Variants in COL25A1 observed in about 807,000 individuals in gnomAD.
COL25A1 encodes the protein collagen type XXV alpha 1 chain, also known as collagen alpha-1(XXV) chain.
Under a neutral mutation model 128.4 loss-of-function variants are expected in COL25A1, and 103 were observed. The ratio of observed to expected loss-of-function variants is 0.80; its 90% CI spans 0.68 to 0.94. COL25A1 has a LOEUF of 0.94. COL25A1 is among the 40% of genes least tolerant of loss of function. The pLI is 0.00. For synonymous variants in COL25A1, 279 were observed against 277.2 expected (o/e 1.01, Z -0.06); for missense variants, 745 against 840.0 (o/e 0.89, Z 1.40).
chr4:109,125,188 G>A (rs1768473959), intron 3 of COL25A1, among the ~76,000 whole-genome samples: 1 of 152,112 alleles, frequency 6.6e-6, no homozygotes, highest in Admixed American at 6.6e-5. Context: ...ACTACAATGT[G>A]TATGTGGAGA....
chr4:109,041,289 T>C (rs1418483384), intron 5 of COL25A1, among the ~76,000 whole-genome samples: 1 of 152,130 alleles, frequency 6.6e-6, no homozygotes, highest in Non-Finnish European at 1.5e-5. Flanking sequence ...TGAAGTAATC[T>C]GGAAGGCCTG....
rs79033193 is a variant in COL25A1, at chr4:109,099,277, G to T, written c.368-49098C>A. Among the ~76,000 whole-genome samples, 168 of 152,024 alleles carry T rather than the reference G, an allele frequency of 1.1e-3. 2 individuals carry two copies. The East Asian group carries it at 0.032, about 29-fold the overall frequency. On this transcript the variant is annotated intron_variant, in intron 3 of 37. Coordinates refer to ENST00000399132, the MANE Select transcript of COL25A1 (RefSeq NM_198721.4). ...AGATGTAACAACAAATAAGAAATGA[G>T]AAATCTACACCAACATAAAAGTTTT...
intron 8 of COL25A1, among the ~76,000 whole-genome samples, chr4:108,959,589 G>C (rs1750443413): frequency 6.6e-6 from 1 of 152,172 alleles, no homozygotes; most frequent in Non-Finnish European, 1.5e-5. Flanking sequence ...GTTGGCACAT[G>C]CCATTACATT....
At chr4:109,215,085 G>A (rs1430475357) in intron 3 of COL25A1, among the ~76,000 whole-genome samples, 1 of 152,076 alleles carries the variant, frequency 6.6e-6, no homozygotes, top group Non-Finnish European at 1.5e-5. Flanking sequence ...TCTAGTTCTA[G>A]AAGAGCTTTT....
chr4:109,037,792 C>T (rs948345514), intron 5 of COL25A1, among the ~76,000 whole-genome samples: 1 of 152,132 alleles, frequency 6.6e-6, no homozygotes, highest in Non-Finnish European at 1.5e-5. Flanking sequence ...TTTATCAGTC[C>T]TGCCTTCTTC....
At position 108,863,252 on chromosome 4, in the gene COL25A1, T is replaced by C. The variant is rs1232259909; in HGVS notation, c.1152+67A>G. 6.1e-6 allele frequency: 9 copies of C among 1,468,760 alleles called. No homozygotes were observed. In the East Asian group the frequency reaches 1.4e-4, roughly 22 times the overall value. 91.0% of individuals were successfully genotyped at this position (1,468,760 alleles called of 1,614,324 possible). On this transcript the variant is annotated intron_variant, in intron 21 of 37. Coordinates refer to ENST00000399132, the MANE Select transcript of COL25A1 (RefSeq NM_198721.4). The stretch of plus-strand genomic sequence containing the variant: ...TTAATACCTGTTAAGAATGTTGTTT[T>C]AGTTTTTTGTGTTCTAAATCAAATC...
At chr4:109,286,576 G>C (rs1723913325) in intron 3 of COL25A1, among the ~76,000 whole-genome samples, 1 of 151,982 alleles carries the variant, frequency 6.6e-6, no homozygotes, top group Non-Finnish European at 1.5e-5. Flanking sequence ...TTCTCAACTG[G>C]GAATGATTTT....
At chr4:108,889,760 C>T in intron 16 of COL25A1, 27 bp from the exon 17 acceptor site, 2 of 1,608,320 alleles carry the variant, frequency 1.2e-6, no homozygotes, top group Non-Finnish European at 1.7e-6. Flanking sequence ...GAGAGATTAT[C>T]TCACAAGTTA....
At chr4:108,945,907 C>T (rs142018362) in intron 8 of COL25A1, among the ~76,000 whole-genome samples, 6 of 152,182 alleles carry the variant, frequency 3.9e-5, no homozygotes, top group African/African-American at 1.2e-4. Context: ...TCAAGTGATC[C>T]GCCCACCTCA....
chr4:109,051,348 C>T (rs1760964036), intron 3 of COL25A1, among the ~76,000 whole-genome samples: 1 of 151,992 alleles, frequency 6.6e-6, no homozygotes, highest in Non-Finnish European at 1.5e-5. Flanking sequence ...TAAGTCTGAC[C>T]GTCTGTATTT....
At position 109,208,759 on chromosome 4, in the gene COL25A1, A is replaced by T. The variant is rs182024213; in HGVS notation, c.367+91824T>A. Among the ~76,000 whole-genome samples the T allele has an allele frequency of 3.0e-3, 462 of 152,208 alleles. 1 individual carries two copies. The highest frequency in any genetic ancestry group is 0.01 in the African/African-American group (429 of 41,538). ...ACTTTCCTATATCTTACCAAGTTGA[A>T]TTTTTTTAATACTAAGCTACAGAGA... On this transcript the variant is annotated intron_variant, in intron 3 of 37. Transcript: ENST00000399132.
intron 5 of COL25A1, among the ~76,000 whole-genome samples, 164 bp downstream of exon 5, chr4:109,048,004 T>C (rs368762432): frequency 6.6e-6 from 1 of 152,244 alleles, no homozygotes; most frequent in African/African-American, 2.4e-5. Context: ...AGTGCTGGGA[T>C]TACAGGCGTG....
chr4:108,996,200 C>T (rs941183030), intron 6 of COL25A1, among the ~76,000 whole-genome samples: 6 of 149,638 alleles, frequency 4.0e-5, no homozygotes, highest in African/African-American at 7.4e-5. Flanking sequence ...CAGGACCCAT[C>T]GGTGTGCTGT....
intron 19 of COL25A1, among the ~76,000 whole-genome samples, chr4:108,882,324 A>T (rs986587992): frequency 6.7e-6 from 1 of 149,446 alleles, no homozygotes; most frequent in Non-Finnish European, 1.5e-5. Flanking sequence ...CTCTCTCTCC[A>T]AGAAAGTGCT....
chr4:109,051,755 T>A (rs1761022085), intron 3 of COL25A1, among the ~76,000 whole-genome samples: 1 of 152,014 alleles, frequency 6.6e-6, no homozygotes, highest in Admixed American at 6.5e-5. Context: ...ATACTTATAA[T>A]GTCTGTGGTT....
At chr4:109,097,125 GA>G (rs1765466444) in intron 3 of COL25A1, among the ~76,000 whole-genome samples, 1 of 152,112 alleles carries the variant, frequency 6.6e-6, no homozygotes, top group African/African-American at 2.4e-5. Flanking sequence ...CTGTTTGCAG[GA>G]AAAACTGGCC....
chr4:109,186,191 T>C (rs1038876667), intron 3 of COL25A1, among the ~76,000 whole-genome samples: 16 of 152,138 alleles, frequency 1.1e-4, no homozygotes, highest in Non-Finnish European at 2.1e-4. Flanking sequence ...TGCTGACTGC[T>C]GTGCTTTAGA....
intron 3 of COL25A1, among the ~76,000 whole-genome samples, chr4:109,219,117 C>G (rs1778248658): frequency 6.6e-6 from 1 of 152,068 alleles, no homozygotes; most frequent in East Asian, 1.9e-4. Context: ...ATGATCCTCA[C>G]TTGGAATTCT....
At chr4:108,838,140 A>G in intron 31 of COL25A1, 1 of 1,550,384 alleles carries the variant, frequency 6.5e-7, no homozygotes, top group South Asian at 1.2e-5. Flanking sequence ...GACCTGGTTC[A>G]CCCTTCAATC....
Sources: allele counts gnomAD v4.1 joint callset (sites outside exome capture counted in the v4.1 genomes callset), GRCh38; gene constraint gnomAD v4.1.1; transcripts MANE v1.5; gene names NCBI Gene and HGNC (gene_info 2026-07-23, HGNC 2026-07-21).